The following TRPS1 variants were observed in gnomAD, a reference collection of about 807,000 sequenced individuals.
TRPS1 encodes the protein transcriptional repressor GATA binding 1, also known as zinc finger transcription factor Trps1.
TRPS1 carries 6 observed loss-of-function variants against 101.2 expected under a neutral mutation model. That is an observed-to-expected ratio of 0.06 (90% confidence interval 0.03 to 0.12). TRPS1 has a LOEUF of 0.12. Among genes scored for constraint, TRPS1 ranks in the 10% least tolerant of loss-of-function variants. The pLI is 1.00. For missense variants in TRPS1, 1,363 were observed against 1,567.0 expected (o/e 0.87, Z 2.20); for synonymous variants, 578 against 589.8 (o/e 0.98, Z 0.29).
In TRPS1 at chr8:115,530,784, C is replaced by T. The variant is rs1816109833; in HGVS notation, c.2700+56217G>A. Among the ~76,000 whole-genome samples the T allele has an allele frequency of 2.0e-5, 3 of 152,028 alleles. 1 individual carries two copies. Among genetic ancestry groups the T allele is most frequent in the Non-Finnish European group, 4.4e-5 (3 of 68,026 alleles). ...GATGAGTTCATGTCCTTTGTAGGGA[C>T]ATGGATGAAGCTGGAAACCATCATT... On this transcript the variant is annotated intron_variant, in intron 5 of 6. Coordinates refer to ENST00000395715, the MANE Select transcript of TRPS1 (RefSeq NM_014112.5).
Position 115,413,515 on chromosome 8 carries a change from C to T in TRPS1, c.*508G>A, listed in dbSNP as rs565467764. On this transcript the variant is annotated 3_prime_UTR_variant, in exon 7 of 7. Transcript: ENST00000395715. ...ATGAGAGAAGACTAAATTGAGAGGG[C>T]GCCATTTTTCTTTCATTGCCCTGGA... The T allele has an allele frequency of 7.6e-4, 116 of 153,128 alleles. No individual in the cohort carries two copies. Among genetic ancestry groups the T allele is most frequent in the Non-Finnish European group, 9.8e-4 (67 of 68,416 alleles). 9.5% of individuals were successfully genotyped at this position (153,128 alleles called of 1,614,324 possible).
intron 5 of TRPS1, among the ~76,000 whole-genome samples, chr8:115,564,393 T>G (rs1198205987): frequency 2.0e-5 from 3 of 152,042 alleles, no homozygotes; most frequent in Non-Finnish European, 2.9e-5. Context: ...AATTGTACCA[T>G]AGATCACTGG....
rs147068047 is a variant in TRPS1 at position 115,478,489 on chromosome 8, G to A, written c.2701-60037C>T. 9.1e-3 allele frequency among the ~76,000 whole-genome samples: 1,389 copies of A among 152,176 alleles called. 19 individuals carry two copies. Among genetic ancestry groups the A allele is most frequent in the Non-Finnish European group, 0.012 (787 of 68,002 alleles). ...TTTTCAACATGAGCACAAAGGATAC[G>A]TTAGAAAATTCTACTTTAAAAATAT... On this transcript the variant is annotated intron_variant, in intron 5 of 6. Transcript: ENST00000395715.
rs1818352045 is a variant in TRPS1, at chr8:115,619,823, A to G, written c.275T>C (p.Val92Ala). Residue 92 changes from valine to alanine, a missense_variant, in exon 3 of 7, where the codon GTT becomes GCT. By Grantham distance (64) the Val-to-Ala change is moderately conservative. Coordinates refer to ENST00000395715, the MANE Select transcript of TRPS1 (RefSeq NM_014112.5). ...ATTGAAGCCAGCCTTCTCACTCAGA[A>G]CTGCGCTTTTCAAGTCCTTCTTACT... The part of the protein sequence containing the change: ...SSSKKDLKSA[V>A]LSEKAGFNYE... 1 of 1,614,176 alleles carries G rather than the reference A, an allele frequency of 6.2e-7. No homozygotes were observed. Among genetic ancestry groups the G allele is most frequent in the Non-Finnish European group, 8.5e-7 (1 of 1,180,020 alleles).
At chr8:115,626,531 C>T (rs1818513253) in intron 1 of TRPS1, among the ~76,000 whole-genome samples, 1 of 151,690 alleles carries the variant, frequency 6.6e-6, no homozygotes, top group Admixed American at 6.6e-5. Context: ...CTTTCCTATC[C>T]ATTTCTATTT....
At position 115,604,140 on chromosome 8, in the gene TRPS1, A is replaced by T. The variant is rs1817974042; in HGVS notation, c.1829T>A (p.Leu610His). The stretch of plus-strand genomic sequence containing the variant: ...CCCAGGAGACAAGTGCAGAAGCAAG[A>T]GTGCACAGTGGGAACAATTACTTTT... ...CRKSNCSHCA[L>H]LLLHLSPGAA... The change falls in exon 4 of 7, where the codon CTC becomes CAC. Residue 610 changes from leucine (L) to histidine (H), a missense_variant. Physicochemically the swap from Leu to His is moderately conservative, Grantham distance 99 (BLOSUM62 -3). Coordinates refer to ENST00000395715, the MANE Select transcript of TRPS1 (RefSeq NM_014112.5). The surrounding 1 kb of genome is among the most constrained non-coding windows in gnomAD (Gnocchi z 4.1). 1.9e-6 allele frequency: 3 copies of T among 1,614,130 alleles called. No homozygotes were observed. The highest frequency in any genetic ancestry group is 2.7e-5 in the African/African-American group (2 of 75,044).
chr8:115,499,324 T>C (rs1207398833), intron 5 of TRPS1, among the ~76,000 whole-genome samples: 1 of 152,210 alleles, frequency 6.6e-6, no homozygotes, highest in African/African-American at 2.4e-5. Flanking sequence ...CAAAATATTG[T>C]GCTTCTTTAG....
intron 5 of TRPS1, among the ~76,000 whole-genome samples, chr8:115,517,794 G>T (rs1414084372): frequency 6.6e-6 from 1 of 151,738 alleles, no homozygotes; most frequent in Non-Finnish European, 1.5e-5. Context: ...ACCTTTGTCA[G>T]TCTGACTCCA....
intron 5 of TRPS1, among the ~76,000 whole-genome samples, chr8:115,564,693 A>T (rs1179388492): frequency 6.6e-6 from 1 of 151,928 alleles, no homozygotes; most frequent in African/African-American, 2.4e-5. Context: ...AATTCAACCA[A>T]CCCCCTCACA....
At chr8:115,649,403 T>C (rs1473477902) in intron 1 of TRPS1, among the ~76,000 whole-genome samples, 2 of 152,208 alleles carry the variant, frequency 1.3e-5, no homozygotes, top group East Asian at 3.9e-4. Flanking sequence ...ACTGAAATCC[T>C]GACTCTGCTA....
At chr8:115,503,626 A>G (rs1342218072) in intron 5 of TRPS1, among the ~76,000 whole-genome samples, 1 of 152,218 alleles carries the variant, frequency 6.6e-6, no homozygotes, top group Non-Finnish European at 1.5e-5. Flanking sequence ...GATTTCATGA[A>G]GTTCCCTTGA....
intron 5 of TRPS1, among the ~76,000 whole-genome samples, chr8:115,497,967 T>C (rs1267949207): frequency 2.0e-5 from 3 of 152,056 alleles, no homozygotes. Context: ...ATTAGTCAAA[T>C]GACGAGGAAG....
At chr8:115,513,946 G>A (rs1196501943) in intron 5 of TRPS1, among the ~76,000 whole-genome samples, 1 of 151,628 alleles carries the variant, frequency 6.6e-6, no homozygotes, top group African/African-American at 2.4e-5. Context: ...GGTACACAAA[G>A]GCTTCTCTGT....
At chr8:115,527,880 T>A (rs904759674) in intron 5 of TRPS1, among the ~76,000 whole-genome samples, 6 of 152,054 alleles carry the variant, frequency 3.9e-5, no homozygotes, top group Admixed American at 3.9e-4. Context: ...AGTGTCAGAA[T>A]CTGAGTAAGG....
At chr8:115,499,384 C>G (rs1209492245) in intron 5 of TRPS1, among the ~76,000 whole-genome samples, 1 of 152,090 alleles carries the variant, frequency 6.6e-6, no homozygotes, top group Non-Finnish European at 1.5e-5. Context: ...AAAAATAATA[C>G]TGCCAGTGGC....
At chr8:115,526,074 A>T (rs763768891) in intron 5 of TRPS1, among the ~76,000 whole-genome samples, 4 of 152,122 alleles carry the variant, frequency 2.6e-5, no homozygotes, top group Non-Finnish European at 4.4e-5. Flanking sequence ...TAACATGAAA[A>T]CATGTAAAAT....
At chr8:115,562,862 C>A (rs968938037) in intron 5 of TRPS1, among the ~76,000 whole-genome samples, 2 of 148,330 alleles carry the variant, frequency 1.3e-5, no homozygotes, top group African/African-American at 5.0e-5. Flanking sequence ...GCCTACTCCC[C>A]CTACCCACAG....
intron 5 of TRPS1, among the ~76,000 whole-genome samples, chr8:115,581,277 A>G (rs1817443552): frequency 6.6e-6 from 1 of 152,108 alleles, no homozygotes; most frequent in Non-Finnish European, 1.5e-5. Context: ...AAGGGAGAAT[A>G]GGCAGAGATT....
At chr8:115,475,246 T>C (rs1052214677) in intron 5 of TRPS1, among the ~76,000 whole-genome samples, 5 of 142,330 alleles carry the variant, frequency 3.5e-5, no homozygotes, top group East Asian at 2.0e-4. Context: ...GTAATTTTAC[T>C]ATATATTTTT....
Sources: allele counts gnomAD v4.1 joint callset (sites outside exome capture counted in the v4.1 genomes callset), GRCh38; gene constraint gnomAD v4.1.1; non-coding constraint Gnocchi (gnomAD v3.1); transcripts MANE v1.5; gene names NCBI Gene and HGNC (gene_info 2026-07-23, HGNC 2026-07-21).